Variants in PLEKHM1 observed in about 807,000 individuals in gnomAD.
The protein encoded by PLEKHM1 is pleckstrin homology and RUN domain containing M1.
In PLEKHM1, 28 loss-of-function variants were observed where a neutral mutation model predicts 94.3. That is an observed-to-expected ratio of 0.30 (90% CI 0.22 to 0.41). The LOEUF (loss-of-function observed/expected upper bound fraction) is 0.41. Ranked by LOEUF, PLEKHM1 falls within the 10% of genes least tolerant of loss-of-function variation. The pLI is 1.00. For synonymous variants in PLEKHM1, 424 were observed against 581.2 expected, an observed-to-expected ratio of 0.73 and a Z score of 3.89; for missense variants, 907 against 1,358.6, an observed-to-expected ratio of 0.67 and a Z score of 5.22.
intron 3 of PLEKHM1, among the ~76,000 whole-genome samples, chr17:45,476,779 T>A (rs1474715221): frequency 3.9e-5 from 6 of 152,174 alleles, no homozygotes; most frequent in African/African-American, 1.4e-4. Flanking sequence ...CTCCGTCTGA[T>A]GTACATGCCC....
chr17:45,445,883 G>T lies in PLEKHM1; in HGVS notation c.2644-220C>A, dbSNP rs899931793. On this transcript the variant is annotated intron_variant, in intron 8 of 11. Transcript: ENST00000430334. This position sits in a 1 kb window ranked among gnomAD's most constrained non-coding sequence, Gnocchi z 4.2. ...CCCAGTTTATCTGACTCCCAAACCC[G>T]CTCTCCCTCTAATGACAAGGGTCAC... 2.0e-5 allele frequency among the ~76,000 whole-genome samples: 3 copies of T among 152,152 alleles called. No homozygotes were observed. The highest frequency in any genetic ancestry group is 7.2e-5 in the African/African-American group (3 of 41,430).
Position 45,468,602 on chromosome 17 carries a change from T to G in PLEKHM1, c.924-9A>C, listed in dbSNP as rs1270965003. ...TGAATTCCAACAATACCCTAGAAGT[T>G]TTAAACAAAGAAACCTGTGTGACAG... On this transcript the variant is annotated splice_polypyrimidine_tract_variant and intron_variant, in intron 4 of 11. Coordinates refer to ENST00000430334, the MANE Select transcript of PLEKHM1 (RefSeq NM_014798.3). The G allele has an allele frequency of 6.2e-7, 1 of 1,614,126 alleles. No individual in the cohort carries two copies. The highest frequency in any genetic ancestry group is 1.7e-5 in the Admixed American group (1 of 60,020).
In PLEKHM1 at chr17:45,475,194, C is replaced by T. The variant is rs758085649; in HGVS notation, c.829G>A (p.Gly277Ser). The change falls in exon 4 of 12, where the codon GGC (glycine) becomes AGC (serine). Residue 277 changes from glycine to serine, a missense_variant. By Grantham distance (56) the Gly-to-Ser change is moderately conservative. Coordinates refer to ENST00000430334, the MANE Select transcript of PLEKHM1 (RefSeq NM_014798.3). Reference protein sequence around the residue: ...NSDSCLLQENGSKSPDHCEEP... With the variant: ...NSDSCLLQENSSKSPDHCEEP... ...TCGCAATGGTCTGGACTCTTGGAGC[C>T]ATTCTCTTGGAGTAAGCAGCTATCA... 1.3e-5 allele frequency: 21 copies of T among 1,613,852 alleles called. No individual in the cohort carries two copies. Among genetic ancestry groups the T allele is most frequent in the Non-Finnish European group, 1.8e-5 (21 of 1,179,872 alleles).
At position 45,475,142 on chromosome 17, in the gene PLEKHM1, A is replaced by G; in HGVS notation, c.881T>C (p.Leu294Pro). The G allele has an allele frequency of 2.5e-6, 4 of 1,613,980 alleles. No individual in the cohort carries two copies. Among genetic ancestry groups the G allele is most frequent in the Non-Finnish European group, 3.4e-6 (4 of 1,179,850 alleles). ...TGAGTCCTCAGCATTTGCTGTGCCCAGGTCTGAGTCACAGGACATGGGCTC... is the reference window on the plus strand; with the variant it reads ...TGAGTCCTCAGCATTTGCTGTGCCCGGGTCTGAGTCACAGGACATGGGCTC... ...CEEPMSCDSDLGTANAEDSDR... is the reference protein window; with the variant it reads ...CEEPMSCDSDPGTANAEDSDR... The change falls in exon 4 of 12, where the codon CTG becomes CCG. Residue 294 changes from leucine to proline, a missense_variant. Coordinates refer to ENST00000430334, the MANE Select transcript of PLEKHM1 (RefSeq NM_014798.3).
In PLEKHM1 at chr17:45,468,570, G is replaced by A. The variant is rs757301882; in HGVS notation, c.947C>T (p.Ala316Val). 2 of 1,614,218 alleles carry A rather than the reference G, an allele frequency of 1.2e-6. No individual in the cohort carries two copies. Among genetic ancestry groups the A allele is most frequent in the Non-Finnish European group, 1.7e-6 (2 of 1,180,042 alleles). Residue 316 changes from alanine to valine, a missense_variant, in exon 5 of 12, where the codon GCC (alanine) becomes GTC (valine). Around this residue, in one of 3 missense-constraint regions of PLEKHM1, gnomAD observed 477 missense variants for 601.5 expected, o/e 0.79. Coordinates refer to ENST00000430334, the MANE Select transcript of PLEKHM1 (RefSeq NM_014798.3). ...GTTGGTTGGCACAGAGTTTACCTGG[G>A]CTTTGCTGAATTCCAACAATACCCT... ...LQEVLLEFSK[A>V]QVNSVPTNGL...
chr17:45,438,021 T>G, intron 11 of PLEKHM1, 52 bp from the exon 12 acceptor site: 7 of 1,416,802 alleles, frequency 4.9e-6, no homozygotes, highest in Non-Finnish European at 7.0e-6. Context: ...GAGGTTGCCC[T>G]GTGGCCACGC....
At chr17:45,469,244 G>A (rs1443507309) in intron 4 of PLEKHM1, among the ~76,000 whole-genome samples, 1 of 152,136 alleles carries the variant, frequency 6.6e-6, no homozygotes, top group African/African-American at 2.4e-5. Context: ...GAGTACACAC[G>A]AGATGTGCCC....
intron 5 of PLEKHM1, 144 bp from the exon 6 acceptor site, chr17:45,458,583 G>A (rs1213963698): frequency 1.5e-5 from 12 of 795,858 alleles, no homozygotes; most frequent in Non-Finnish European, 1.9e-5. Flanking sequence ...CGATTCTCCT[G>A]CCCCAGTCTC....
chr17:45,475,110 A>T lies in PLEKHM1; in HGVS notation c.913T>A (p.Ser305Thr), dbSNP rs771867839. Residue 305 changes from serine (S) to threonine (T), a missense_variant, in exon 4 of 12, where the codon TCT becomes ACT. Ser to Thr is a moderately conservative substitution (Grantham distance 58). This residue lies in a region of PLEKHM1 where 477 missense variants were observed against 601.5 expected (regional missense o/e 0.79). Transcript: ENST00000430334. ...GGGCAGCGTACTCACTCTTGCAGAGACCGGTCTGAGTCCTCAGCATTTGCT... is the reference window on the plus strand; with the variant it reads ...GGGCAGCGTACTCACTCTTGCAGAGTCCGGTCTGAGTCCTCAGCATTTGCT... ...GTANAEDSDR[S>T]LQEVLLEFSK... 1.2e-6 allele frequency: 2 copies of T among 1,613,994 alleles called. No homozygotes were observed. The highest frequency in any genetic ancestry group is 1.3e-5 in the African/African-American group (1 of 75,054).
intron 1 of PLEKHM1, 64 bp from the exon 2 acceptor site, chr17:45,482,589 C>T (rs62065439): frequency 0.013 from 11,499 of 900,498 alleles, 140 homozygotes; most frequent in Admixed American, 0.019. Context: ...GAGTCCATTC[C>T]CAGCAAGCAG....
At chr17:45,487,078 C>T (rs962112272) in intron 1 of PLEKHM1, among the ~76,000 whole-genome samples, 2 of 152,156 alleles carry the variant, frequency 1.3e-5, no homozygotes, top group South Asian at 2.1e-4. Context: ...AGCTGGGCAA[C>T]AGTACCAAAG....
chr17:45,480,438 T>C (rs10401017), intron 2 of PLEKHM1, among the ~76,000 whole-genome samples: 149,223 of 152,138 alleles, frequency 0.98, 73,233 homozygotes, highest in East Asian at 1. Flanking sequence ...GAGTCAAGAT[T>C]GTGCCACTGC....
intron 9 of PLEKHM1, chr17:45,440,709 G>A (rs1457188789): frequency 9.3e-6 from 2 of 215,372 alleles, no homozygotes; most frequent in South Asian, 7.2e-5. Flanking sequence ...CTTGCCTGAG[G>A]TCACACAGCT....
At chr17:45,450,796 C>T (rs2050754246) in intron 7 of PLEKHM1, 33 bp from the exon 8 acceptor site, 1 of 1,318,650 alleles carries the variant, frequency 7.6e-7, no homozygotes, top group Non-Finnish European at 1.1e-6. Context: ...AGTGGTGTGG[C>T]CAGAGTCAGC....
rs2050259751 is a variant in PLEKHM1, at chr17:45,436,451, C to T, written c.*1407G>A. On this transcript the variant is annotated 3_prime_UTR_variant, in exon 12 of 12. Coordinates refer to ENST00000430334, the MANE Select transcript of PLEKHM1 (RefSeq NM_014798.3). Reference sequence around the variant, plus strand: ...GGGTGGGTGACTCAGCAGCTAATCGCCCCCAGGGAAGGGTGGGGGTGGGCT... The same window carrying T: ...GGGTGGGTGACTCAGCAGCTAATCGTCCCCAGGGAAGGGTGGGGGTGGGCT... 4.4e-6 allele frequency: 2 copies of T among 453,096 alleles called. No homozygotes were observed. The highest frequency in any genetic ancestry group is 8.8e-6 in the Non-Finnish European group (2 of 226,084). 28.1% of individuals were successfully genotyped at this position (453,096 alleles called of 1,614,324 possible).
At chr17:45,476,883 T>G (rs1378153214) in intron 3 of PLEKHM1, among the ~76,000 whole-genome samples, 1 of 152,126 alleles carries the variant, frequency 6.6e-6, no homozygotes, top group Non-Finnish European at 1.5e-5. Flanking sequence ...TCCAGGGAGC[T>G]TCAGCTCAGT....
At chr17:45,471,069 T>A (rs2051494497) in intron 4 of PLEKHM1, among the ~76,000 whole-genome samples, 1 of 152,154 alleles carries the variant, frequency 6.6e-6, no homozygotes. Flanking sequence ...TTATCCAGAA[T>A]ATATACAGAA....
intron 7 of PLEKHM1, among the ~76,000 whole-genome samples, chr17:45,452,422 A>AAAAC (rs923038347): frequency 7.6e-5 from 11 of 145,214 alleles, no homozygotes; most frequent in Admixed American, 3.5e-4. Flanking sequence ...CATCTCTACT[A>AAAAC]AAACAAACAA....
At chr17:45,448,376 G>C (rs1345826988) in intron 8 of PLEKHM1, among the ~76,000 whole-genome samples, 8 of 152,224 alleles carry the variant, frequency 5.3e-5, no homozygotes, top group Non-Finnish European at 8.8e-5. Context: ...TGGAGGTTGA[G>C]GTAGAACTGA....
Sources: allele counts gnomAD v4.1 joint callset (sites outside exome capture counted in the v4.1 genomes callset), GRCh38; gene constraint gnomAD v4.1.1; regional missense constraint gnomAD v4.1.1; non-coding constraint Gnocchi (gnomAD v3.1); transcripts MANE v1.5; gene names NCBI Gene and HGNC (gene_info 2026-07-23, HGNC 2026-07-21).